EPSTI1: variants seen among roughly 807,000 people sequenced by gnomAD.
The protein encoded by EPSTI1 is epithelial stromal interaction 1, also known as epithelial-stromal interaction protein 1.
Under a neutral mutation model 49.9 loss-of-function variants are expected in EPSTI1, and 66 were observed. The observed-to-expected ratio is 1.32, with a 90% CI of 1.08 to 1.62. The LOEUF is 1.62. EPSTI1 is among the 40% of genes most tolerant of loss of function. EPSTI1 has a pLI of 0.00. For synonymous variants in EPSTI1, 137 were observed against 130.7 expected (o/e 1.05, Z -0.33); for missense variants, 394 against 365.5 (o/e 1.08, Z -0.64).
intron 1 of EPSTI1, among the ~76,000 whole-genome samples, chr13:42,977,830 A>C (rs946256117): frequency 2.0e-5 from 3 of 152,212 alleles, no homozygotes; most frequent in African/African-American, 4.8e-5. Context: ...TGAACCCTGA[A>C]TATCTGAGGC....
At chr13:42,963,914 T>C (rs1356064632) in intron 4 of EPSTI1, 152 bp downstream of exon 4, 1 of 602,570 alleles carries the variant, frequency 1.7e-6, no homozygotes, top group African/African-American at 1.9e-5. Flanking sequence ...CACTTCTCAC[T>C]TCCTGAGAGC....
chr13:42,954,572 C>A (rs1392924041), intron 5 of EPSTI1, among the ~76,000 whole-genome samples: 2 of 151,598 alleles, frequency 1.3e-5, no homozygotes, highest in African/African-American at 4.9e-5. Flanking sequence ...GAAAATAGTT[C>A]TTTTTTTTAA....
chr13:42,895,655 A>G (rs977875036), intron 9 of EPSTI1, among the ~76,000 whole-genome samples: 4 of 152,236 alleles, frequency 2.6e-5, no homozygotes, highest in Non-Finnish European at 4.4e-5. Flanking sequence ...TTCACTTTAT[A>G]ATTAATCACT....
intron 6 of EPSTI1, among the ~76,000 whole-genome samples, chr13:42,947,362 C>T (rs367907555): frequency 6.6e-6 from 1 of 152,078 alleles, no homozygotes; most frequent in East Asian, 1.9e-4. Context: ...AAAATACACA[C>T]ACAAAGCGAT....
At chr13:42,956,942 T>C (rs993576690) in intron 5 of EPSTI1, among the ~76,000 whole-genome samples, 1 of 152,138 alleles carries the variant, frequency 6.6e-6, no homozygotes, top group Non-Finnish European at 1.5e-5. Context: ...AGCCATTATA[T>C]TAAGCAGGAA....
At chr13:42,929,576 T>C (rs1338911744) in intron 6 of EPSTI1, among the ~76,000 whole-genome samples, 2 of 152,228 alleles carry the variant, frequency 1.3e-5, no homozygotes, top group Non-Finnish European at 2.9e-5. Flanking sequence ...CCCAACTTGT[T>C]CAACTACAGG....
intron 6 of EPSTI1, among the ~76,000 whole-genome samples, chr13:42,940,472 A>G (rs2038716750): frequency 6.6e-6 from 1 of 152,144 alleles, no homozygotes; most frequent in African/African-American, 2.4e-5. Flanking sequence ...TATTTTCCAC[A>G]TTTGCTCATG....
intron 1 of EPSTI1, among the ~76,000 whole-genome samples, chr13:42,976,366 CTAAA>C (rs1048899908): frequency 3.0e-4 from 45 of 152,258 alleles, no homozygotes; most frequent in African/African-American, 1.0e-3. Flanking sequence ...AGGTTCCCAG[CTAAA>C]TAAATAACTC....
chr13:42,954,464 G>A (rs531239389), intron 5 of EPSTI1, among the ~76,000 whole-genome samples: 1 of 152,228 alleles, frequency 6.6e-6, no homozygotes, highest in African/African-American at 2.4e-5. Flanking sequence ...GAGATTTTCA[G>A]TAAGACAACC....
chr13:42,958,598 C>T (rs1594727480), intron 5 of EPSTI1, among the ~76,000 whole-genome samples: 1 of 151,980 alleles, frequency 6.6e-6, no homozygotes, highest in East Asian at 1.9e-4. Flanking sequence ...TCTGATTCCT[C>T]CTGAGATAGG....
In EPSTI1 at chr13:42,955,877, T is replaced by TTGGCG. The variant is rs372278878; in HGVS notation, c.490-1857_490-1856insCGCCA. Among the ~76,000 whole-genome samples, 372 of 105,536 alleles carry TTGGCG rather than the reference T, an allele frequency of 3.5e-3. 9 individuals carry two copies. Among genetic ancestry groups the TTGGCG allele is most frequent in the East Asian group, 0.021 (45 of 2,180 alleles). 69.2% of individuals were successfully genotyped at this position (105,536 alleles called of 152,430 possible). On this transcript the variant is annotated intron_variant, in intron 5 of 10. Transcript: ENST00000313624. The stretch of plus-strand genomic sequence containing the variant: ...AGTTGATAGTTGATGAAGAAGTATT[T>TTGGCG]GGGGGGGGGGGGAAGTAGTAGTAGT...
chr13:42,916,304 G>A (rs1340614432), intron 8 of EPSTI1, among the ~76,000 whole-genome samples: 1 of 150,534 alleles, frequency 6.6e-6, no homozygotes, highest in Non-Finnish European at 1.5e-5. Flanking sequence ...GGATAAAAAT[G>A]TTTCATGATT....
rs759294773 is a variant in EPSTI1 at position 42,902,568 on chromosome 13, G to C, written c.742-2185C>G. On this transcript the variant is annotated intron_variant, in intron 8 of 10. Transcript: ENST00000313624. Reference sequence around the variant, plus strand: ...CTGTATTTTTAGTGGTATATGGGGAGAGAGTGATAAAACATAAGCAAATGA... The same window carrying C: ...CTGTATTTTTAGTGGTATATGGGGACAGAGTGATAAAACATAAGCAAATGA... 8.5e-5 allele frequency among the ~76,000 whole-genome samples: 13 copies of C among 152,206 alleles called. 1 individual carries two copies. Among genetic ancestry groups the C allele is most frequent in the Non-Finnish European group, 8.8e-5 (6 of 68,032 alleles).
rs779408565 is a variant in EPSTI1 at position 42,992,213 on chromosome 13, C to T, written c.-48G>A. On this transcript the variant is annotated 5_prime_UTR_variant, in exon 1 of 11. Coordinates refer to ENST00000313624, the MANE Select transcript of EPSTI1 (RefSeq NM_033255.5). ...GGCCGCCGTCGCTGCGGGAGGGATG[C>T]GGCTGGGACGCTTAGCGAGTCTCAA... 1.5e-5 allele frequency: 22 copies of T among 1,483,408 alleles called. No individual in the cohort carries two copies. The highest frequency in any genetic ancestry group is 9.9e-5 in the African/African-American group (7 of 71,038). The allele number at this position is 1,483,408 out of a possible 1,614,324, so 91.9% of individuals were successfully genotyped here. A position where few individuals can be genotyped will look rare whatever the true frequency, so the allele number is the denominator to read the frequency against.
At position 42,886,522 on chromosome 13, in the gene EPSTI1, G is replaced by T. The variant is rs1424025308; in HGVS notation, c.*1972C>A. 6.6e-6 allele frequency: 1 copy of T among 152,030 alleles called. No individual in the cohort carries two copies. The highest frequency in any genetic ancestry group is 1.5e-5 in the Non-Finnish European group (1 of 68,000). The allele number at this position is 152,030 out of a possible 1,614,324, so 9.4% of individuals were successfully genotyped here. A position where few individuals can be genotyped will look rare whatever the true frequency, so the allele number is the denominator to read the frequency against. On this transcript the variant is annotated 3_prime_UTR_variant, in exon 11 of 11. Transcript: ENST00000313624. ...TTATTTTCTACAAAAAAAAAAGCGG[G>T]GGGACATTAAAATTAAGCATAGAAA...
chr13:42,979,468 G>T (rs1268601848), intron 1 of EPSTI1, among the ~76,000 whole-genome samples: 1 of 151,722 alleles, frequency 6.6e-6, no homozygotes, highest in Admixed American at 6.6e-5. Flanking sequence ...TGTAGTCCCA[G>T]CTACTCAGGA....
At chr13:42,908,288 C>A (rs965088085) in intron 8 of EPSTI1, among the ~76,000 whole-genome samples, 4 of 151,988 alleles carry the variant, frequency 2.6e-5, no homozygotes, top group Non-Finnish European at 5.9e-5. Context: ...GAGTTTGAGA[C>A]CAGCCTGGCC....
chr13:42,964,820 T>C (rs1206421400), intron 3 of EPSTI1, among the ~76,000 whole-genome samples: 2 of 152,232 alleles, frequency 1.3e-5, no homozygotes, highest in Non-Finnish European at 2.9e-5. Context: ...AGCTTGACAA[T>C]CATCTAAGAA....
At chr13:42,903,276 G>GA (rs1283439530) in intron 8 of EPSTI1, among the ~76,000 whole-genome samples, 3 of 151,146 alleles carry the variant, frequency 2.0e-5, no homozygotes, top group East Asian at 1.9e-4. Flanking sequence ...ACTTGTCTGA[G>GA]AAAAAAAATA....
Sources: allele counts gnomAD v4.1 joint callset (sites outside exome capture counted in the v4.1 genomes callset), GRCh38; gene constraint gnomAD v4.1.1; transcripts MANE v1.5; gene names NCBI Gene and HGNC (gene_info 2026-07-23, HGNC 2026-07-21).